Variants in KIN observed in about 807,000 individuals in gnomAD.
The protein encoded by KIN is Kin17 DNA and RNA binding protein.
KIN carries 47 observed loss-of-function variants against 63.0 expected under a neutral mutation model. The ratio of observed to expected loss-of-function variants is 0.75; its 90% CI spans 0.59 to 0.95. The LOEUF (loss-of-function observed/expected upper bound fraction) is 0.95. Ranked by LOEUF, KIN falls within the 40% of genes least tolerant of loss-of-function variation. KIN has a pLI of 0.00. For synonymous variants in KIN, 160 were observed against 157.7 expected, an observed-to-expected ratio of 1.01 and a Z score of -0.11; for missense variants, 408 against 460.9, an observed-to-expected ratio of 0.89 and a Z score of 1.05.
intron 1 of KIN, among the ~76,000 whole-genome samples, chr10:7,785,596 C>T (rs1446670225): frequency 6.6e-6 from 1 of 152,066 alleles, no homozygotes; most frequent in East Asian, 1.9e-4. Flanking sequence ...AGTTTGAGAC[C>T]AGCCTGGCCA....
chr10:7,774,811 C>T lies in KIN; in HGVS notation c.668+20G>A. ...CAAAAATCCTAATGTTTTAAGATAT[C>T]CGTGAATGATGCAGCTCACCTTGAC... On this transcript the variant is annotated intron_variant, in intron 7 of 12. Transcript: ENST00000379562. 2 of 1,579,110 alleles carry T rather than the reference C, an allele frequency of 1.3e-6. No homozygotes were observed. Among genetic ancestry groups the T allele is most frequent in the Non-Finnish European group, 8.7e-7 (1 of 1,148,836 alleles).
intron 8 of KIN, among the ~76,000 whole-genome samples, chr10:7,768,664 G>C (rs1035644548): frequency 1.3e-5 from 2 of 152,170 alleles, no homozygotes; most frequent in Admixed American, 6.5e-5. Context: ...ATTTCTAACT[G>C]AATTCTACTG....
chr10:7,781,021 C>A (rs1011449873), intron 2 of KIN, among the ~76,000 whole-genome samples: 1 of 152,152 alleles, frequency 6.6e-6, no homozygotes, highest in African/African-American at 2.4e-5. Context: ...GCTGGGTACA[C>A]CGTATTAAGT....
At chr10:7,778,553 A>G (rs1029080188) in intron 5 of KIN, among the ~76,000 whole-genome samples, 3 of 152,172 alleles carry the variant, frequency 2.0e-5, no homozygotes, top group Non-Finnish European at 4.4e-5. Context: ...GGCCTGACCA[A>G]CATGGTGAAA....
chr10:7,781,575 A>G (rs1439822722), intron 2 of KIN, among the ~76,000 whole-genome samples: 2 of 108,942 alleles, frequency 1.8e-5, no homozygotes, highest in Non-Finnish European at 3.7e-5. Context: ...CAACAAAGTG[A>G]GACCCTGTCT....
intron 8 of KIN, among the ~76,000 whole-genome samples, chr10:7,768,429 G>A (rs1204420937): frequency 6.6e-6 from 1 of 152,126 alleles, no homozygotes; most frequent in African/African-American, 2.4e-5. Flanking sequence ...GCTGAGGCAG[G>A]AGAATCTCTT....
At chr10:7,763,494 A>G (rs778176051) in intron 10 of KIN, among the ~76,000 whole-genome samples, 4 of 152,238 alleles carry the variant, frequency 2.6e-5, no homozygotes, top group Admixed American at 2.6e-4. Flanking sequence ...GCCTTCATAC[A>G]TACTATCTGT....
chr10:7,782,332 T>C (rs1240809668), intron 2 of KIN, among the ~76,000 whole-genome samples: 1 of 152,102 alleles, frequency 6.6e-6, no homozygotes, highest in African/African-American at 2.4e-5. Context: ...AAAGTGTTAA[T>C]TCATTGACCT....
intron 7 of KIN, among the ~76,000 whole-genome samples, chr10:7,770,574 T>C (rs1039603444): frequency 5.3e-5 from 8 of 151,636 alleles, no homozygotes; most frequent in African/African-American, 1.7e-4. Flanking sequence ...TCCTCTCTTG[T>C]AGTAGGGAGG....
At chr10:7,777,053 C>CAAAAAAAA (rs60757813) in intron 5 of KIN, among the ~76,000 whole-genome samples, 10 of 80,726 alleles carry the variant, frequency 1.2e-4, no homozygotes, top group Non-Finnish European at 1.7e-4. Context: ...GACAGTCTCT[C>CAAAAAAAA]AAAAAAAAAA....
rs1199991446 is a variant in KIN at position 7,783,070 on chromosome 10, G to A, written c.209+11C>T. On this transcript the variant is annotated intron_variant, in intron 2 of 12. Coordinates refer to ENST00000379562, the MANE Select transcript of KIN (RefSeq NM_012311.4). ...AAGCCTATAAGATAAAGAGTTCTTT[G>A]AGTTACTTACTCTGAAAAATAATCC... The A allele has an allele frequency of 1.4e-6, 2 of 1,464,872 alleles. No homozygotes were observed. The highest frequency in any genetic ancestry group is 1.9e-6 in the Non-Finnish European group (2 of 1,059,808). The allele number at this position is 1,464,872 out of a possible 1,614,324, so 90.7% of individuals were successfully genotyped here. A position where few individuals can be genotyped will look rare whatever the true frequency, so the allele number is the denominator to read the frequency against.
intron 4 of KIN, among the ~76,000 whole-genome samples, chr10:7,779,268 G>A (rs1006858197): frequency 1.4e-4 from 21 of 152,016 alleles, no homozygotes; most frequent in African/African-American, 3.9e-4. Flanking sequence ...TTAGCTGGGC[G>A]TGGTGGTGCA....
intron 5 of KIN, among the ~76,000 whole-genome samples, chr10:7,777,068 A>T (rs1412933200): frequency 6.6e-6 from 1 of 151,212 alleles, no homozygotes; most frequent in Non-Finnish European, 1.5e-5. Context: ...AAAAAAAAAA[A>T]AAAAAAAAAT....
At chr10:7,769,827 C>T (rs17362757) in intron 7 of KIN, among the ~76,000 whole-genome samples, 2,276 of 152,236 alleles carry the variant, frequency 0.015, 28 homozygotes, top group Middle Eastern at 0.044. Context: ...TTCAAATGAC[C>T]GGTTTAAGTC....
At chr10:7,763,913 G>A in intron 9 of KIN, 122 bp from the exon 10 acceptor site, 1 of 552,524 alleles carries the variant, frequency 1.8e-6, no homozygotes, top group Non-Finnish European at 3.2e-6. Context: ...TGCCAAATAA[G>A]AAATGCTGGA....
In KIN at chr10:7,755,495, G is replaced by C. The variant is rs1157291091; in HGVS notation, c.*585C>G. The C allele has an allele frequency of 3.3e-5, 5 of 152,212 alleles. No homozygotes were observed. Among genetic ancestry groups the C allele is most frequent in the Admixed American group, 1.3e-4 (2 of 15,270 alleles). The allele number at this position is 152,212 out of a possible 1,614,324, so 9.4% of individuals were successfully genotyped here. Reference sequence around the variant, plus strand: ...AGTGGCTGTCTAGGGCTAGGGCAGAGGGGAAAAATAGCGATTGACTATTAA... The same window carrying C: ...AGTGGCTGTCTAGGGCTAGGGCAGACGGGAAAAATAGCGATTGACTATTAA... On this transcript the variant is annotated 3_prime_UTR_variant, in exon 13 of 13. Transcript: ENST00000379562.
At position 7,752,228 on chromosome 10, in the gene KIN, A is replaced by T. The variant is rs368985973; in HGVS notation, c.*3852T>A. ...CAAACAACTCTTAAAATTCAACAAT[A>T]AGAAAATGAGTAACCCAATTAAATA... On this transcript the variant is annotated 3_prime_UTR_variant, in exon 13 of 13. Transcript: ENST00000379562. 5.1e-4 allele frequency: 78 copies of T among 152,358 alleles called. No individual in the cohort carries two copies. The highest frequency in any genetic ancestry group is 1.8e-3 in the African/African-American group (75 of 41,590). 9.4% of individuals were successfully genotyped at this position (152,358 alleles called of 1,614,324 possible).
chr10:7,777,053 CAAAAAAAAA>C (rs60757813), intron 5 of KIN, among the ~76,000 whole-genome samples: 5 of 80,724 alleles, frequency 6.2e-5, no homozygotes, highest in Non-Finnish European at 9.5e-5. Flanking sequence ...GACAGTCTCT[CAAAAAAAAA>C]AAAAAAAAAA....
intron 6 of KIN, 42 bp downstream of exon 6, chr10:7,775,709 G>T (rs1835755637): frequency 9.4e-7 from 1 of 1,062,966 alleles, no homozygotes; most frequent in Non-Finnish European, 1.4e-6. Flanking sequence ...CAATATAAAA[G>T]CATCTATGTT....
Sources: gnomAD v4.1 joint callset for allele counts (sites outside exome capture counted in the v4.1 genomes callset) on GRCh38, gnomAD v4.1.1 for gene constraint, MANE v1.5 for transcripts, NCBI Gene and HGNC (gene_info 2026-07-23, HGNC 2026-07-21) for gene names.